FXN: variants seen among roughly 807,000 people sequenced by gnomAD.
The protein encoded by FXN is frataxin.
Under a neutral mutation model 22.4 loss-of-function variants are expected in FXN, and 14 were observed. The observed-to-expected ratio is 0.62, with a 90% CI of 0.41 to 0.98. The LOEUF is 0.98. Ranked by LOEUF, FXN falls within the 50% of genes least tolerant of loss-of-function variation. The pLI is 0.00. For missense variants in FXN, 267 were observed against 268.4 expected (o/e 0.99, Z 0.04); for synonymous variants, 120 against 114.1 (o/e 1.05, Z -0.33).
chr9:69,066,124 G>T (rs956790036), intron 4 of FXN, among the ~76,000 whole-genome samples: 1 of 152,172 alleles, frequency 6.6e-6, no homozygotes, highest in African/African-American at 2.4e-5. Context: ...TGAAGTGGTT[G>T]TAAGAAAGTA....
At chr9:69,055,474 G>A (rs1013480637) in intron 3 of FXN, among the ~76,000 whole-genome samples, 6 of 151,476 alleles carry the variant, frequency 4.0e-5, no homozygotes, top group Non-Finnish European at 7.4e-5. Flanking sequence ...TAGCAGCTGC[G>A]TTTGGTTTAC....
At position 69,072,409 on chromosome 9, in the gene FXN, A is replaced by T. The variant is rs1832291268; in HGVS notation, c.483-203A>T. ...TCAAATGTTTTTTCAGGTTTTGAGAATCATTCTTGGAATTGTTCCAGAAGA... is the reference window on the plus strand; with the variant it reads ...TCAAATGTTTTTTCAGGTTTTGAGATTCATTCTTGGAATTGTTCCAGAAGA... On this transcript the variant is annotated intron_variant, in intron 4 of 4. Coordinates refer to ENST00000484259, the MANE Select transcript of FXN (RefSeq NM_000144.5). Among the ~76,000 whole-genome samples the T allele has an allele frequency of 2.0e-5, 3 of 152,220 alleles. No homozygotes were observed. In the South Asian group the frequency reaches 6.2e-4, roughly 32 times the overall value.
chr9:69,074,507 G>A lies in FXN; in HGVS notation c.*1745G>A, dbSNP rs1160842720. ...CGAGATCGTACCTGAGCGACAGAGCGAGACTCCGTCTCAAAAAAAAAAAAA... is the reference window on the plus strand; with the variant it reads ...CGAGATCGTACCTGAGCGACAGAGCAAGACTCCGTCTCAAAAAAAAAAAAA... On this transcript the variant is annotated 3_prime_UTR_variant, in exon 5 of 5. Coordinates refer to ENST00000484259, the MANE Select transcript of FXN (RefSeq NM_000144.5). 15 of 970,102 alleles carry A rather than the reference G, an allele frequency of 1.5e-5. No individual in the cohort carries two copies. The South Asian group carries it at 4.4e-4, about 28-fold the overall frequency. The allele number at this position is 970,102 out of a possible 1,614,324, so 60.1% of individuals were successfully genotyped here. A position where few individuals can be genotyped will look rare whatever the true frequency, so the allele number is the denominator to read the frequency against.
Position 69,078,904 on chromosome 9 carries a change from T to C in FXN, c.*6142T>C. On this transcript the variant is annotated 3_prime_UTR_variant, in exon 5 of 5. Transcript: ENST00000484259. ...GCACTGACCTACCATGTGTCACCCC[T>C]GCTTGGCTGTACCTTCCATGAGGCT... 1 of 985,036 alleles carries C rather than the reference T, an allele frequency of 1.0e-6. No homozygotes were observed. Among genetic ancestry groups the C allele is most frequent in the Non-Finnish European group, 1.2e-6 (1 of 829,546 alleles). The allele number at this position is 985,036 out of a possible 1,614,324, so 61.0% of individuals were successfully genotyped here.
At chr9:69,062,451 C>T (rs1564337104) in intron 3 of FXN, among the ~76,000 whole-genome samples, 1 of 151,976 alleles carries the variant, frequency 6.6e-6, no homozygotes, top group Non-Finnish European at 1.5e-5. Context: ...TATAGTCATA[C>T]CAAAACAGTA....
rs1019424480 is a variant in FXN, at chr9:69,078,755, G to T, written c.*5993G>T. On this transcript the variant is annotated 3_prime_UTR_variant, in exon 5 of 5. Coordinates refer to ENST00000484259, the MANE Select transcript of FXN (RefSeq NM_000144.5). ...GTCTTTATTCCCCACATCTCTGCCT[G>T]GGGGGTAGATTCTACCCTGAAAAAT... 2.0e-6 allele frequency: 2 copies of T among 985,456 alleles called. No homozygotes were observed. The highest frequency in any genetic ancestry group is 4.7e-5 in the South Asian group (1 of 21,288). 61.0% of individuals were successfully genotyped at this position (985,456 alleles called of 1,614,324 possible).
In FXN at chr9:69,077,290, C is replaced by T; in HGVS notation, c.*4528C>T. The T allele has an allele frequency of 1.0e-6, 1 of 985,270 alleles. No individual in the cohort carries two copies. Among genetic ancestry groups the T allele is most frequent in the Non-Finnish European group, 1.2e-6 (1 of 829,842 alleles). 61.0% of individuals were successfully genotyped at this position (985,270 alleles called of 1,614,324 possible). On this transcript the variant is annotated 3_prime_UTR_variant, in exon 5 of 5. Coordinates refer to ENST00000484259, the MANE Select transcript of FXN (RefSeq NM_000144.5). ...CATCCCGAAGTACCTGATCAGTGGCCCCTTTGGAATGTGTAAAACTCAGCT... is the reference window on the plus strand; with the variant it reads ...CATCCCGAAGTACCTGATCAGTGGCTCCTTTGGAATGTGTAAAACTCAGCT...
chr9:69,055,066 A>G (rs1400447029), intron 3 of FXN, among the ~76,000 whole-genome samples: 1 of 152,248 alleles, frequency 6.6e-6, no homozygotes, highest in Non-Finnish European at 1.5e-5. Flanking sequence ...AAAAGGAGCA[A>G]TGGAGCAGGG....
At chr9:69,045,937 TGG>T (rs1831744562) in intron 1 of FXN, among the ~76,000 whole-genome samples, 1 of 152,176 alleles carries the variant, frequency 6.6e-6, no homozygotes, top group African/African-American at 2.4e-5. Flanking sequence ...AGTGGCCAAG[TGG>T]GCATGCTTTC....
At chr9:69,072,146 T>C (rs557543600) in intron 4 of FXN, among the ~76,000 whole-genome samples, 1 of 152,354 alleles carries the variant, frequency 6.6e-6, no homozygotes, top group South Asian at 2.1e-4. Flanking sequence ...GCAGAGGTAG[T>C]GGTTGCACAA....
In FXN at chr9:69,074,669, A is replaced by C; in HGVS notation, c.*1907A>C. ...AGTCCCAGCTGCACAGGAGGCTGAG[A>C]CAGGAGGATTGCTTGAAGCCAGGAA... On this transcript the variant is annotated 3_prime_UTR_variant, in exon 5 of 5. Coordinates refer to ENST00000484259, the MANE Select transcript of FXN (RefSeq NM_000144.5). 1 of 982,134 alleles carries C rather than the reference A, an allele frequency of 1.0e-6. No individual in the cohort carries two copies. The highest frequency in any genetic ancestry group is 1.2e-6 in the Non-Finnish European group (1 of 826,974). The allele number at this position is 982,134 out of a possible 1,614,324, so 60.8% of individuals were successfully genotyped here.
intron 1 of FXN, among the ~76,000 whole-genome samples, chr9:69,040,057 C>T (rs561784055): frequency 3.5e-4 from 53 of 152,246 alleles, no homozygotes; most frequent in East Asian, 3.5e-3. Context: ...ACCCAGTCAC[C>T]GCTTAAAGGC....
chr9:69,063,662 ACT>A (rs1832116100), intron 3 of FXN, among the ~76,000 whole-genome samples: 1 of 150,866 alleles, frequency 6.6e-6, no homozygotes, highest in Non-Finnish European at 1.5e-5. Flanking sequence ...AATTTCAATA[ACT>A]CTTTGTTTTT....
At chr9:69,056,641 T>A (rs1237553909) in intron 3 of FXN, among the ~76,000 whole-genome samples, 1 of 152,102 alleles carries the variant, frequency 6.6e-6, no homozygotes, top group Admixed American at 6.5e-5. Context: ...CACTCTGTGG[T>A]CAGTGGTTAT....
chr9:69,072,667 G>A lies in FXN; in HGVS notation c.538G>A (p.Val180Met), dbSNP rs774482038. ...AAACTGGGTGTACTCCCACGACGGC[G>A]TGTCCCTCCATGAGCTGCTGGCCGC... is the stretch of plus-strand genomic sequence containing the variant. ...GKNWVYSHDG[V>M]SLHELLAAEL... The change falls in exon 5 of 5, where the codon GTG becomes ATG. Residue 180 changes from valine (V) to methionine (M), a missense_variant. Physicochemically the swap from Val to Met is conservative, Grantham distance 21. Coordinates refer to ENST00000484259, the MANE Select transcript of FXN (RefSeq NM_000144.5). 9.3e-6 allele frequency: 15 copies of A among 1,614,020 alleles called. No homozygotes were observed. The highest frequency in any genetic ancestry group is 3.3e-5 in the Admixed American group (2 of 59,996).
rs71354305 is a variant in FXN at position 69,066,869 on chromosome 9, A to ATATAT, written c.482+1834_482+1835insTATAT. Among the ~76,000 whole-genome samples, 526 of 144,854 alleles carry ATATAT rather than the reference A, an allele frequency of 3.6e-3. 8 individuals are homozygous for ATATAT. Among genetic ancestry groups the ATATAT allele is most frequent in the Admixed American group, 0.02 (285 of 14,484 alleles). ...GATACTATCTTCCTCAAAAAAAAAA[A>ATATAT]ATATATATATATATATGGGGGACGG... is the stretch of plus-strand genomic sequence containing the variant. On this transcript the variant is annotated intron_variant, in intron 4 of 4. Coordinates refer to ENST00000484259, the MANE Select transcript of FXN (RefSeq NM_000144.5).
intron 3 of FXN, among the ~76,000 whole-genome samples, chr9:69,058,112 C>A (rs1429975023): frequency 1.3e-5 from 2 of 152,200 alleles, no homozygotes; most frequent in African/African-American, 4.8e-5. Flanking sequence ...TCCAGATACA[C>A]CCAAGAGGAC....
chr9:69,039,606 C>T (rs1207727178), intron 1 of FXN, among the ~76,000 whole-genome samples: 4 of 152,132 alleles, frequency 2.6e-5, no homozygotes, highest in African/African-American at 7.2e-5. Flanking sequence ...GCATCTTTAA[C>T]GTTTCCTCTT....
chr9:69,071,690 G>C (rs1832277775), intron 4 of FXN, among the ~76,000 whole-genome samples: 1 of 152,208 alleles, frequency 6.6e-6, no homozygotes, highest in Non-Finnish European at 1.5e-5. Context: ...TCAATGTCAT[G>C]AATTTAACAC....
Sources: allele counts gnomAD v4.1 joint callset (sites outside exome capture counted in the v4.1 genomes callset), GRCh38; gene constraint gnomAD v4.1.1; transcripts MANE v1.5; gene names NCBI Gene and HGNC (gene_info 2026-07-23, HGNC 2026-07-21).